STARD13: variants seen among roughly 807,000 people sequenced by gnomAD.
STARD13 encodes the protein stAR-related lipid transfer protein 13.
STARD13 carries 62 observed loss-of-function variants against 106.4 expected under a neutral mutation model. That is an observed-to-expected ratio of 0.58 (90% CI 0.48 to 0.72). The LOEUF is 0.72. Ranked by LOEUF, STARD13 falls within the 30% of genes least tolerant of loss-of-function variation. The probability of loss-of-function intolerance (pLI) is 0.00; values close to 1 mark genes in which losing one functional copy is unlikely to be tolerated. For synonymous variants in STARD13, 565 were observed against 553.0 expected, an observed-to-expected ratio of 1.02 and a Z score of -0.31; for missense variants, 1,387 against 1,424.0, an observed-to-expected ratio of 0.97 and a Z score of 0.42.
rs142681271 is a variant in STARD13 at position 33,127,924 on chromosome 13, G to A, written c.1749-378C>T. Among the ~76,000 whole-genome samples, 267 of 150,876 alleles carry A rather than the reference G, an allele frequency of 1.8e-3. 1 individual carries two copies. Among genetic ancestry groups the A allele is most frequent in the African/African-American group, 6.2e-3 (253 of 41,054 alleles). On this transcript the variant is annotated intron_variant, in intron 5 of 13. Transcript: ENST00000336934. ...GAGAAACAGAGGGAGAGAGAGAAACGGAAAGAGAGGAAAGAGACGGAGACA... is the reference window on the plus strand; with the variant it reads ...GAGAAACAGAGGGAGAGAGAGAAACAGAAAGAGAGGAAAGAGACGGAGACA...
chr13:33,134,869 A>G (rs937566610), intron 4 of STARD13, among the ~76,000 whole-genome samples: 3 of 152,276 alleles, frequency 2.0e-5, no homozygotes, highest in Non-Finnish European at 4.4e-5. Flanking sequence ...ACATAGTTCA[A>G]CAGCCCTTCC....
At chr13:33,411,714 A>G in the STARD13 span, among the ~76,000 whole-genome samples, 1 of 152,240 alleles carries the variant, frequency 6.6e-6, no homozygotes, top group Non-Finnish European at 1.5e-5. Context: ...AAATGGGTGG[A>G]ATCATATAAT....
At chr13:33,411,264 C>T in the STARD13 span, among the ~76,000 whole-genome samples, 4 of 152,088 alleles carry the variant, frequency 2.6e-5, no homozygotes, top group Non-Finnish European at 5.9e-5. Context: ...TAATAAAAGG[C>T]GTATGTGGGA....
At chr13:33,448,650 T>C in the STARD13 span, among the ~76,000 whole-genome samples, 1 of 152,288 alleles carries the variant, frequency 6.6e-6, no homozygotes, top group South Asian at 2.1e-4. Flanking sequence ...ACAGGGTAGT[T>C]CTATTTCTAA....
chr13:33,408,827 T>G, the STARD13 span, among the ~76,000 whole-genome samples: 1 of 152,124 alleles, frequency 6.6e-6, no homozygotes, highest in African/African-American at 2.4e-5. Context: ...ACTCTTACCT[T>G]GAGGCATTTG....
the STARD13 span, among the ~76,000 whole-genome samples, chr13:33,622,777 G>A: frequency 4.6e-5 from 7 of 151,826 alleles, no homozygotes; most frequent in South Asian, 8.3e-4. Context: ...AAAATTAGCC[G>A]GGCGTGGTGG....
the STARD13 span, among the ~76,000 whole-genome samples, chr13:33,580,027 T>C: frequency 1.3e-5 from 2 of 152,194 alleles, no homozygotes. Context: ...CTAAACATAC[T>C]CTTAATATAA....
the STARD13 span, among the ~76,000 whole-genome samples, chr13:33,504,462 G>C: frequency 5.8e-3 from 885 of 152,106 alleles, 7 homozygotes; most frequent in African/African-American, 0.019. Context: ...GTAGGGACAC[G>C]GATGAAACTG....
the STARD13 span, among the ~76,000 whole-genome samples, chr13:33,573,116 C>A: frequency 7.2e-5 from 11 of 152,122 alleles, no homozygotes; most frequent in Non-Finnish European, 2.9e-5. Context: ...GATGTGGGTT[C>A]CTTCCCTAAT....
chr13:33,432,044 T>C, the STARD13 span, among the ~76,000 whole-genome samples: 1 of 152,084 alleles, frequency 6.6e-6, no homozygotes, highest in Admixed American at 6.5e-5. Context: ...CACCTTGTCT[T>C]CAAGTCTCTG....
At chr13:33,161,074 T>G (rs1285781863) in intron 3 of STARD13, among the ~76,000 whole-genome samples, 1 of 152,222 alleles carries the variant, frequency 6.6e-6, no homozygotes, top group East Asian at 1.9e-4. Context: ...GCAAGACTAT[T>G]CAGAAATAGA....
upstream of STARD13, among the ~76,000 whole-genome samples, chr13:33,352,416 C>T (rs554350307): frequency 2.0e-5 from 3 of 152,324 alleles, no homozygotes; most frequent in South Asian, 2.1e-4. Context: ...ATTATATACA[C>T]GGGAACAGAA....
intron 3 of STARD13, among the ~76,000 whole-genome samples, chr13:33,142,802 T>C (rs940215378): frequency 6.6e-6 from 1 of 152,196 alleles, no homozygotes; most frequent in East Asian, 1.9e-4. Context: ...TGGGTATAGG[T>C]AGAAAATAAC....
At chr13:33,164,648 T>C (rs963624794) in intron 3 of STARD13, among the ~76,000 whole-genome samples, 1 of 152,216 alleles carries the variant, frequency 6.6e-6, no homozygotes, top group African/African-American at 2.4e-5. Context: ...CCTGGATCTT[T>C]TATTATTACC....
In STARD13 at chr13:33,168,752, C is replaced by T. The variant is rs150847720; in HGVS notation, c.170-1130G>A. Reference sequence around the variant, plus strand: ...CTACACTAACATCACCCTGGGCCTGCGATTGTACCTCAACATTGAAAGCTC... The same window carrying T: ...CTACACTAACATCACCCTGGGCCTGTGATTGTACCTCAACATTGAAAGCTC... On this transcript the variant is annotated intron_variant, in intron 1 of 13. Transcript: ENST00000336934. 3.5e-3 allele frequency among the ~76,000 whole-genome samples: 530 copies of T among 152,268 alleles called. 1 individual carries two copies. The highest frequency in any genetic ancestry group is 0.012 in the African/African-American group (495 of 41,568).
intron 1 of STARD13, among the ~76,000 whole-genome samples, chr13:33,190,952 A>C (rs182266913): frequency 1.2e-4 from 19 of 152,176 alleles, no homozygotes; most frequent in East Asian, 3.9e-4. Flanking sequence ...TTCAAAAAAA[A>C]CCCAAAATAT....
chr13:33,443,565 T>C, the STARD13 span, among the ~76,000 whole-genome samples: 1 of 151,908 alleles, frequency 6.6e-6, no homozygotes, highest in Admixed American at 6.6e-5. Flanking sequence ...ATAGAAACTC[T>C]TTAGAACTTA....
intron 1 of STARD13, among the ~76,000 whole-genome samples, chr13:33,205,001 T>C (rs1055271798): frequency 4.6e-5 from 7 of 152,244 alleles, no homozygotes; most frequent in African/African-American, 1.4e-4. Flanking sequence ...GTGAGCCCCC[T>C]GAAAACTTTC....
the STARD13 span, among the ~76,000 whole-genome samples, chr13:33,476,400 A>G: frequency 2.0e-5 from 3 of 152,256 alleles, no homozygotes; most frequent in East Asian, 1.9e-4. Flanking sequence ...TCTAGAATCA[A>G]TCTTAGCAAT....
Sources: gnomAD v4.1 joint callset for allele counts (sites outside exome capture counted in the v4.1 genomes callset) on GRCh38, gnomAD v4.1.1 for gene constraint, MANE v1.5 for transcripts, NCBI Gene and HGNC (gene_info 2026-07-23, HGNC 2026-07-21) for gene names.